The following ECT2L variants were observed in gnomAD, a reference collection of about 807,000 sequenced individuals.
The protein encoded by ECT2L is epithelial cell-transforming sequence 2 oncogene-like.
Under a neutral mutation model 122.8 loss-of-function variants are expected in ECT2L, and 126 were observed. The observed-to-expected ratio is 1.03, with a 90% CI of 0.89 to 1.19. ECT2L has a LOEUF of 1.19. Among genes scored for constraint, ECT2L ranks in the 50% most tolerant of loss-of-function variants. ECT2L has a pLI of 0.00. For missense variants in ECT2L, 1,012 were observed against 1,064.1 expected (o/e 0.95, Z 0.68); for synonymous variants, 385 against 381.8 (o/e 1.01, Z -0.10).
intron 1 of ECT2L, among the ~76,000 whole-genome samples, chr6:138,800,156 A>G (rs1394514954): frequency 6.6e-6 from 1 of 152,162 alleles, no homozygotes; most frequent in Non-Finnish European, 1.5e-5. Context: ...TGCTTTTCAG[A>G]GCGAGATAAC....
At position 138,847,612 on chromosome 6, in the gene ECT2L, C is replaced by T. The variant is rs1449412752; in HGVS notation, c.903+935C>T. Among the ~76,000 whole-genome samples, 6 of 149,626 alleles carry T rather than the reference C, an allele frequency of 4.0e-5. 1 individual carries two copies. In the South Asian group the frequency reaches 1.3e-3, roughly 32 times the overall value. ...CAGGATGGTCTCGATCTCCTGACCT[C>T]GTGATCCGCCTGCCTTGGCCTCCCA... On this transcript the variant is annotated intron_variant, in intron 8 of 21. Transcript: ENST00000541398.
intron 18 of ECT2L, 40 bp downstream of exon 18, chr6:138,885,870 A>G (rs183372508): frequency 5.7e-6 from 9 of 1,587,030 alleles, no homozygotes; most frequent in Non-Finnish European, 7.7e-6. Context: ...TAAACATGTT[A>G]CAATGCCTTT....
chr6:138,878,704 C>T (rs1778549112), intron 14 of ECT2L, among the ~76,000 whole-genome samples: 2 of 152,210 alleles, frequency 1.3e-5, no homozygotes, highest in Admixed American at 1.3e-4. Context: ...GCCTCAGCCT[C>T]CCAAGGTGCT....
At chr6:138,828,707 G>C (rs935362121) in intron 4 of ECT2L, among the ~76,000 whole-genome samples, 1 of 152,094 alleles carries the variant, frequency 6.6e-6, no homozygotes, top group Non-Finnish European at 1.5e-5. Flanking sequence ...TTGCTTTCCC[G>C]AGGTAGAGTT....
chr6:138,878,336 C>CACAT (rs1554277687), intron 14 of ECT2L, among the ~76,000 whole-genome samples: 5 of 120,972 alleles, frequency 4.1e-5, no homozygotes, highest in African/African-American at 2.8e-5. Flanking sequence ...CACACACATA[C>CACAT]ATATATACAT....
chr6:138,853,485 T>C (rs183624792), intron 9 of ECT2L, among the ~76,000 whole-genome samples: 4 of 152,264 alleles, frequency 2.6e-5, no homozygotes, highest in African/African-American at 9.6e-5. Flanking sequence ...TTGCCTGTTT[T>C]CATTTCATCA....
At chr6:138,838,567 T>C in intron 5 of ECT2L, 53 bp downstream of exon 5, 1 of 1,539,902 alleles carries the variant, frequency 6.5e-7, no homozygotes, top group Admixed American at 2.0e-5. Context: ...CTGTAATCTG[T>C]AATGAGGCTA....
At chr6:138,829,237 G>A (rs116138213) in intron 4 of ECT2L, among the ~76,000 whole-genome samples, 1,571 of 152,174 alleles carry the variant, frequency 0.01, 24 homozygotes, top group African/African-American at 0.036. Context: ...TCAGACTTGG[G>A]ATACCATTTC....
At chr6:138,840,319 A>G (rs558846075) in intron 5 of ECT2L, among the ~76,000 whole-genome samples, 39 of 152,258 alleles carry the variant, frequency 2.6e-4, no homozygotes, top group African/African-American at 9.4e-4. Flanking sequence ...ACATAAACAC[A>G]TATCTCACAA....
intron 20 of ECT2L, among the ~76,000 whole-genome samples, chr6:138,894,300 CCG>C (rs1779138906): frequency 6.6e-6 from 1 of 152,092 alleles, no homozygotes; most frequent in South Asian, 2.1e-4. Context: ...TGTGACCCAC[CCG>C]CCTCAGCCTC....
rs199661194 is a variant in ECT2L at position 138,838,419 on chromosome 6, C to G, written c.247C>G (p.Arg83Gly). 1 of 1,613,842 alleles carries G rather than the reference C, an allele frequency of 6.2e-7. No homozygotes were observed. Among genetic ancestry groups the G allele is most frequent in the East Asian group, 2.2e-5 (1 of 44,872 alleles). ...AKVDFSTVLP[R>G]FISLYIFSFL... is the part of the protein sequence containing the mutation. Reference sequence around the variant, plus strand: ...AGTGGACTTCTCTACAGTGTTACCACGCTTCATTTCTCTATATATCTTTTC... The same window carrying G: ...AGTGGACTTCTCTACAGTGTTACCAGGCTTCATTTCTCTATATATCTTTTC... Residue 83 changes from arginine (R) to glycine (G), a missense_variant, in exon 5 of 22, where the codon CGC (arginine) becomes GGC (glycine). Arg to Gly is a moderately radical substitution (Grantham distance 125). Coordinates refer to ENST00000541398, the MANE Select transcript of ECT2L (RefSeq NM_001077706.3).
chr6:138,865,358 T>C (rs1482254629), intron 12 of ECT2L, among the ~76,000 whole-genome samples, 180 bp downstream of exon 12: 1 of 152,172 alleles, frequency 6.6e-6, no homozygotes, highest in Non-Finnish European at 1.5e-5. Flanking sequence ...TAACAACAAA[T>C]ATATTCAGGT....
In ECT2L at chr6:138,860,815, C is replaced by G. The variant is rs1404411288; in HGVS notation, c.1199-1812C>G. Among the ~76,000 whole-genome samples the G allele has an allele frequency of 2.0e-5, 3 of 151,302 alleles. No homozygotes were observed. In the East Asian group the frequency reaches 5.8e-4, roughly 29 times the overall value. On this transcript the variant is annotated intron_variant, in intron 10 of 21. Transcript: ENST00000541398. ...ATGGTGGTTTGCTGCACTTATCAAC[C>G]CGTCGTCTAGGTTTTAAGCCCTGCA...
At chr6:138,813,866 GA>G (rs1393009417) in intron 3 of ECT2L, among the ~76,000 whole-genome samples, 1 of 152,188 alleles carries the variant, frequency 6.6e-6, no homozygotes, top group Non-Finnish European at 1.5e-5. Context: ...AAGGAGACTA[GA>G]CCAGGCTGGG....
chr6:138,804,047 T>C (rs192424433), intron 1 of ECT2L, among the ~76,000 whole-genome samples: 124 of 152,320 alleles, frequency 8.1e-4, no homozygotes, highest in Non-Finnish European at 1.1e-3. Context: ...CACTGACAAG[T>C]GGTTGTCCAC....
chr6:138,894,711 T>C (rs1779153488), intron 20 of ECT2L, among the ~76,000 whole-genome samples: 1 of 152,222 alleles, frequency 6.6e-6, no homozygotes, highest in African/African-American at 2.4e-5. Context: ...GCTTGTGCTA[T>C]TTTAGTATAA....
chr6:138,843,292 A>G lies in ECT2L; in HGVS notation c.595+61A>G, dbSNP rs910642057. 16 of 1,467,940 alleles carry G rather than the reference A, an allele frequency of 1.1e-5. No individual in the cohort carries two copies. In the African/African-American group the frequency reaches 2.1e-4, roughly 19 times the overall value. The allele number at this position is 1,467,940 out of a possible 1,614,324, so 90.9% of individuals were successfully genotyped here. On this transcript the variant is annotated intron_variant, in intron 6 of 21. Transcript: ENST00000541398. ...ATATTGTAGACACAAATGGATTCAC[A>G]TACAAATTCCCACAGAGGACAGCCC...
At chr6:138,869,751 A>G (rs114863018) in intron 13 of ECT2L, among the ~76,000 whole-genome samples, 184 of 152,268 alleles carry the variant, frequency 1.2e-3, no homozygotes, top group African/African-American at 4.3e-3. Context: ...GGGGAACCAA[A>G]TTTGAGAGCC....
At chr6:138,830,965 TGATA>T (rs1189216690) in intron 4 of ECT2L, among the ~76,000 whole-genome samples, 1 of 152,248 alleles carries the variant, frequency 6.6e-6, no homozygotes, top group African/African-American at 2.4e-5. Flanking sequence ...GCTGCTTACT[TGATA>T]TTTAATTTTG....
Sources: allele counts gnomAD v4.1 joint callset (sites outside exome capture counted in the v4.1 genomes callset), GRCh38; gene constraint gnomAD v4.1.1; transcripts MANE v1.5; gene names NCBI Gene and HGNC (gene_info 2026-07-23, HGNC 2026-07-21).